RANBP2: variants seen among roughly 807,000 people sequenced by gnomAD.
RANBP2 encodes the protein E3 SUMO-protein ligase RanBP2.
A neutral mutation model predicts 303.6 loss-of-function variants in RANBP2; 57 were observed. The ratio of observed to expected loss-of-function variants is 0.19; its 90% CI spans 0.15 to 0.23. The LOEUF (loss-of-function observed/expected upper bound fraction) is 0.23, where lower values mean the gene tolerates loss of function less well. RANBP2 is among the 10% of genes least tolerant of loss of function. RANBP2 has a pLI of 1.00. For missense variants in RANBP2, 3,138 were observed against 3,780.8 expected (o/e 0.83, Z 4.46); for synonymous variants, 1,167 against 1,301.5 (o/e 0.90, Z 2.23).
chr2:109,419,025 G>T, the RANBP2 span, among the ~76,000 whole-genome samples: 1 of 152,098 alleles, frequency 6.6e-6, no homozygotes, highest in South Asian at 2.1e-4. Flanking sequence ...TTGAAGCTTG[G>T]AGCACTTTGG....
At chr2:109,507,334 C>T in the RANBP2 span, among the ~76,000 whole-genome samples, 723 of 152,308 alleles carry the variant, frequency 4.7e-3, 13 homozygotes, top group South Asian at 0.056. Context: ...AGCAGTCTGT[C>T]GGAGTTCTCT....
At chr2:109,616,143 A>T in the RANBP2 span, 1 of 1,410,876 alleles carries the variant, frequency 7.1e-7, no homozygotes, top group Non-Finnish European at 9.2e-7. Context: ...AGGAAGTGAG[A>T]CCAGAAGGAC....
chr2:109,567,671 C>A, the RANBP2 span: 1 of 753,106 alleles, frequency 1.3e-6, no homozygotes. Context: ...TAAACATTTT[C>A]TCATACTGGA....
the RANBP2 span, chr2:109,614,115 C>A: frequency 0.24 from 291,171 of 1,207,630 alleles, 36,723 homozygotes; most frequent in Admixed American, 0.39. Context: ...TTGGGGCGGG[C>A]TGAAGGAGAG....
chr2:109,358,370 G>A, the RANBP2 span, among the ~76,000 whole-genome samples: 1 of 152,184 alleles, frequency 6.6e-6, no homozygotes, highest in Non-Finnish European at 1.5e-5. Context: ...CCATATGCAG[G>A]TTTTTGTGTG....
the RANBP2 span, among the ~76,000 whole-genome samples, chr2:109,078,123 G>A: frequency 3.9e-3 from 176 of 45,302 alleles, 5 homozygotes; most frequent in Non-Finnish European, 5.6e-3. Context: ...TATATAGCGT[G>A]TATATATATA....
chr2:108,991,115 T>C, the RANBP2 span, among the ~76,000 whole-genome samples: 1 of 152,158 alleles, frequency 6.6e-6, no homozygotes, highest in Non-Finnish European at 1.5e-5. Flanking sequence ...ATGGATGCTG[T>C]AATAGAAGCC....
At chr2:108,756,485 T>C (rs1676324688) in intron 17 of RANBP2, among the ~76,000 whole-genome samples, 1 of 152,248 alleles carries the variant, frequency 6.6e-6, no homozygotes, top group Non-Finnish European at 1.5e-5. Context: ...GTGTGGCGAT[T>C]ATTACAGTGT....
chr2:109,129,390 C>T, the RANBP2 span: 3 of 1,333,538 alleles, frequency 2.2e-6, no homozygotes, highest in Non-Finnish European at 3.0e-6. Flanking sequence ...CACTTCGCAC[C>T]GCCACAGCCC....
the RANBP2 span, among the ~76,000 whole-genome samples, chr2:109,629,569 T>G: frequency 1.3e-5 from 2 of 151,664 alleles, no homozygotes; most frequent in African/African-American, 4.8e-5. Flanking sequence ...TCCTAGCACT[T>G]TGGGAGGCTG....
the RANBP2 span, among the ~76,000 whole-genome samples, chr2:109,005,963 G>T: frequency 6.6e-6 from 1 of 152,160 alleles, no homozygotes; most frequent in African/African-American, 2.4e-5. Flanking sequence ...GCTGAAAAGA[G>T]GAGAGGAAGC....
chr2:108,765,067 C>T lies in RANBP2; in HGVS notation c.4528C>T (p.Leu1510=), dbSNP rs368651376. 6 of 1,613,826 alleles carry T rather than the reference C, an allele frequency of 3.7e-6. No homozygotes were observed. In the African/African-American group the frequency reaches 6.7e-5, roughly 18 times the overall value. ...TTGTCAGAATCCGAGAAAACAGAGTCTACCTGCTACTTCTATTCCAACACC... is the reference window on the plus strand; with the variant it reads ...TTGTCAGAATCCGAGAAAACAGAGTTTACCTGCTACTTCTATTCCAACACC... ...AACQNPRKQS[L]PATSIPTPAS... Residue 1510 remains leucine, a synonymous_variant, in exon 20 of 29, where the codon CTA becomes TTA. Transcript: ENST00000283195.
chr2:109,705,074 AAAATAAATAAATAAAT>A, the RANBP2 span, among the ~76,000 whole-genome samples: 479 of 144,984 alleles, frequency 3.3e-3, 2 homozygotes, highest in African/African-American at 0.011. Flanking sequence ...ACTCCCTCTC[AAAATAAATAAATAAAT>A]AAATAAATAA....
At chr2:108,833,861 G>T in the RANBP2 span, among the ~76,000 whole-genome samples, 2 of 149,002 alleles carry the variant, frequency 1.3e-5, no homozygotes, top group South Asian at 2.1e-4. Flanking sequence ...CCGAGTAGCT[G>T]GGACTACAGG....
At chr2:109,487,987 G>T in the RANBP2 span, among the ~76,000 whole-genome samples, 3 of 152,328 alleles carry the variant, frequency 2.0e-5, no homozygotes, top group East Asian at 3.9e-4. Flanking sequence ...GCCCCTTCAT[G>T]GTGAAGAGGA....
the RANBP2 span, among the ~76,000 whole-genome samples, chr2:108,980,668 G>A: frequency 1.3e-5 from 2 of 152,076 alleles, no homozygotes; most frequent in Non-Finnish European, 2.9e-5. Context: ...CTGATAAGAC[G>A]ACGTGTTAGC....
the RANBP2 span, chr2:109,613,950 T>A: frequency 2.7e-6 from 3 of 1,112,756 alleles, no homozygotes; most frequent in African/African-American, 3.3e-5. Flanking sequence ...CTAGGCTGCC[T>A]CCGCGACGGG....
the RANBP2 span, among the ~76,000 whole-genome samples, chr2:109,499,274 G>C: frequency 6.6e-6 from 1 of 152,152 alleles, no homozygotes; most frequent in Non-Finnish European, 1.5e-5. Context: ...TGGTTATTGA[G>C]TGCCTTCGCC....
At chr2:109,374,038 T>A in the RANBP2 span, among the ~76,000 whole-genome samples, 1 of 152,180 alleles carries the variant, frequency 6.6e-6, no homozygotes, top group South Asian at 2.1e-4. Flanking sequence ...CATGACTGCC[T>A]GTGGGTCTGA....
Sources: allele counts gnomAD v4.1 joint callset (sites outside exome capture counted in the v4.1 genomes callset), GRCh38; gene constraint gnomAD v4.1.1; transcripts MANE v1.5; gene names NCBI Gene and HGNC (gene_info 2026-07-23, HGNC 2026-07-21).